The following LRRC72 variants were observed in gnomAD, a reference collection of about 807,000 sequenced individuals.
LRRC72 encodes the protein leucine rich repeat containing 72, also known as leucine-rich repeat-containing protein 72.
In LRRC72, 41 loss-of-function variants were observed where a neutral mutation model predicts 35.8. That is an observed-to-expected ratio of 1.15 (90% CI 0.89 to 1.49). The LOEUF (loss-of-function observed/expected upper bound fraction) is 1.49, where lower values mean the gene tolerates loss of function less well. Ranked by LOEUF, LRRC72 falls within the 40% of genes most tolerant of loss-of-function variation. The probability of loss-of-function intolerance (pLI) is 0.00; values close to 1 mark genes in which losing one functional copy is unlikely to be tolerated. For missense variants in LRRC72, 389 were observed against 330.7 expected, an observed-to-expected ratio of 1.18 and a Z score of -1.37; for synonymous variants, 118 against 119.2, an observed-to-expected ratio of 0.99 and a Z score of 0.07.
rs552960975 is a variant in LRRC72 at position 16,565,426 on chromosome 7, T to C, written c.428-887T>C. 1.4e-4 allele frequency among the ~76,000 whole-genome samples: 19 copies of C among 135,106 alleles called. 1 individual carries two copies. The South Asian group carries it at 1.7e-3, about 12-fold the overall frequency. 88.6% of individuals were successfully genotyped at this position (135,106 alleles called of 152,430 possible). A position where few individuals can be genotyped will look rare whatever the true frequency, so the allele number is the denominator to read the frequency against. On this transcript the variant is annotated intron_variant, in intron 5 of 8. Transcript: ENST00000401542. ...CAGCCTGGCAACAAGAACAAGACTC[T>C]GTCAAAAAAAAAAAAAAATGCCCAA...
At chr7:16,567,916 G>T (rs1457224000) in intron 7 of LRRC72, among the ~76,000 whole-genome samples, 4 of 151,932 alleles carry the variant, frequency 2.6e-5, no homozygotes, top group Admixed American at 2.6e-4. Flanking sequence ...TGATAATATA[G>T]AAAAAACATG....
At chr7:16,544,884 G>T (rs1782419160) in intron 3 of LRRC72, among the ~76,000 whole-genome samples, 1 of 152,198 alleles carries the variant, frequency 6.6e-6, no homozygotes, top group Non-Finnish European at 1.5e-5. Context: ...AAAACCAATG[G>T]TTAATGCATT....
At chr7:16,580,383 C>T (rs1378312243) in intron 8 of LRRC72, among the ~76,000 whole-genome samples, 1 of 152,200 alleles carries the variant, frequency 6.6e-6, no homozygotes, top group Non-Finnish European at 1.5e-5. Flanking sequence ...TGGCTCATGC[C>T]TGTAATCCCT....
intron 5 of LRRC72, among the ~76,000 whole-genome samples, chr7:16,560,478 C>A (rs1022362150): frequency 6.6e-6 from 1 of 152,104 alleles, no homozygotes; most frequent in Non-Finnish European, 1.5e-5. Flanking sequence ...AGAAGGCTGC[C>A]TGCTGTCAGG....
At chr7:16,552,415 G>A (rs1420750655) in intron 3 of LRRC72, among the ~76,000 whole-genome samples, 4 of 150,140 alleles carry the variant, frequency 2.7e-5, no homozygotes, top group African/African-American at 9.8e-5. Context: ...AGTGTGTGCA[G>A]AAAAAGAGGA....
intron 3 of LRRC72, among the ~76,000 whole-genome samples, chr7:16,546,057 C>A (rs1047782628): frequency 5.3e-5 from 8 of 151,848 alleles, no homozygotes; most frequent in Non-Finnish European, 7.4e-5. Flanking sequence ...ATAAGAACAC[C>A]ATAAAAATAA....
intron 7 of LRRC72, among the ~76,000 whole-genome samples, chr7:16,577,744 A>G (rs754520963): frequency 2.0e-5 from 3 of 152,212 alleles, no homozygotes; most frequent in African/African-American, 7.2e-5. Context: ...AACAAAATAA[A>G]CGACATGGAC....
chr7:16,534,462 GA>G (rs530014597), intron 2 of LRRC72, among the ~76,000 whole-genome samples: 91 of 152,042 alleles, frequency 6.0e-4, no homozygotes, highest in African/African-American at 2.1e-3. Context: ...TTTTAAAAAA[GA>G]AAAATGAAAA....
At chr7:16,540,777 G>C (rs990451937) in intron 3 of LRRC72, among the ~76,000 whole-genome samples, 1 of 152,126 alleles carries the variant, frequency 6.6e-6, no homozygotes, top group African/African-American at 2.4e-5. Context: ...CACCATGTAA[G>C]AGGTGACTTG....
At chr7:16,567,284 T>C (rs1388276647) in intron 6 of LRRC72, 107 bp from the exon 7 acceptor site, 2 of 833,732 alleles carry the variant, frequency 2.4e-6, no homozygotes, top group Non-Finnish European at 1.7e-6. Flanking sequence ...GATGTTCTCA[T>C]ATATCATAGT....
At chr7:16,556,415 C>A (rs570005319) in intron 3 of LRRC72, among the ~76,000 whole-genome samples, 1 of 152,096 alleles carries the variant, frequency 6.6e-6, no homozygotes, top group Admixed American at 6.6e-5. Context: ...TGGAGGTTCA[C>A]GAGCATAGGA....
chr7:16,551,161 C>T (rs1782541851), intron 3 of LRRC72, among the ~76,000 whole-genome samples: 1 of 152,028 alleles, frequency 6.6e-6, no homozygotes, highest in African/African-American at 2.4e-5. Flanking sequence ...ACAGAGAGAG[C>T]CAGAGACTAG....
At chr7:16,551,200 A>G (rs1486417294) in intron 3 of LRRC72, among the ~76,000 whole-genome samples, 11 of 152,196 alleles carry the variant, frequency 7.2e-5, no homozygotes, top group Non-Finnish European at 1.6e-4. Flanking sequence ...AGATCACATG[A>G]AGACACCAGA....
At chr7:16,548,417 C>T (rs1014229407) in intron 3 of LRRC72, among the ~76,000 whole-genome samples, 8 of 152,184 alleles carry the variant, frequency 5.3e-5, no homozygotes, top group African/African-American at 1.9e-4. Flanking sequence ...AGCTGAGGCC[C>T]TTTGGGGAAC....
chr7:16,555,599 C>G (rs1782636830), intron 3 of LRRC72, among the ~76,000 whole-genome samples: 1 of 152,042 alleles, frequency 6.6e-6, no homozygotes, highest in African/African-American at 2.4e-5. Context: ...ATAGTGAAAC[C>G]CCATCTCTAC....
In LRRC72 at chr7:16,546,134, T is replaced by C. The variant is rs10277991; in HGVS notation, c.234+8438T>C. Among the ~76,000 whole-genome samples the C allele has an allele frequency of 6.0e-3, 915 of 152,326 alleles. 10 individuals are homozygous for C. The highest frequency in any genetic ancestry group is 0.021 in the African/African-American group (860 of 41,570). On this transcript the variant is annotated intron_variant, in intron 3 of 8. Transcript: ENST00000401542. ...CTCCTATATAATTTAGGGTATATTATTAAAATGCTTCCCAACTAATGTTTC... is the reference window on the plus strand; with the variant it reads ...CTCCTATATAATTTAGGGTATATTACTAAAATGCTTCCCAACTAATGTTTC...
intron 3 of LRRC72, among the ~76,000 whole-genome samples, chr7:16,550,929 T>C (rs1271198642): frequency 6.6e-6 from 1 of 152,218 alleles, no homozygotes; most frequent in Non-Finnish European, 1.5e-5. Flanking sequence ...CTTCCTTCAA[T>C]TCCCCGGAGT....
intron 3 of LRRC72, among the ~76,000 whole-genome samples, chr7:16,542,208 A>G (rs1462523349): frequency 6.6e-6 from 1 of 152,148 alleles, no homozygotes. Context: ...TACTCATTGA[A>G]TATTCACAAA....
chr7:16,550,077 T>C (rs1224485461), intron 3 of LRRC72, among the ~76,000 whole-genome samples: 2 of 151,926 alleles, frequency 1.3e-5, no homozygotes, highest in East Asian at 3.9e-4. Flanking sequence ...AAATTAGTCA[T>C]GTATGGTGGT....
Sources: allele counts gnomAD v4.1 joint callset (sites outside exome capture counted in the v4.1 genomes callset), GRCh38; gene constraint gnomAD v4.1.1; transcripts MANE v1.5; gene names NCBI Gene and HGNC (gene_info 2026-07-23, HGNC 2026-07-21).